The following FAM219A variants were observed in gnomAD, a reference collection of about 807,000 sequenced individuals.
FAM219A encodes the protein protein FAM219A.
A neutral mutation model predicts 23.4 loss-of-function variants in FAM219A; 7 were observed. That is an observed-to-expected ratio of 0.30 (90% CI 0.17 to 0.56). FAM219A has a LOEUF of 0.56. Ranked by LOEUF, FAM219A falls within the 20% of genes least tolerant of loss-of-function variation. The pLI is 0.92. For missense variants in FAM219A, 166 were observed against 246.9 expected (o/e 0.67, Z 2.20); for synonymous variants, 93 against 99.0 (o/e 0.94, Z 0.36).
At chr9:34,418,961 A>G (rs961187914) in intron 1 of FAM219A, among the ~76,000 whole-genome samples, 6 of 151,754 alleles carry the variant, frequency 4.0e-5, no homozygotes, top group African/African-American at 1.5e-4. Flanking sequence ...TGTTACCCCA[A>G]CTACTCAGGA....
At chr9:34,451,583 T>A (rs993724159) in intron 1 of FAM219A, among the ~76,000 whole-genome samples, 2 of 152,070 alleles carry the variant, frequency 1.3e-5, no homozygotes, top group African/African-American at 2.4e-5. Context: ...GGTGAGAGGG[T>A]CCCTGAGACT....
At chr9:34,427,681 T>A (rs1438089950) in intron 1 of FAM219A, among the ~76,000 whole-genome samples, 1 of 152,226 alleles carries the variant, frequency 6.6e-6, no homozygotes, top group Non-Finnish European at 1.5e-5. Flanking sequence ...GATCTTTCTA[T>A]AACAGAGAGG....
intron 1 of FAM219A, among the ~76,000 whole-genome samples, chr9:34,437,165 A>G (rs1162737824): frequency 6.6e-6 from 1 of 152,162 alleles, no homozygotes; most frequent in African/African-American, 2.4e-5. Flanking sequence ...GGAAATTGCA[A>G]GAAGACAAAC....
At chr9:34,416,230 A>AGAAAGAAAGAAG (rs1822008388) in intron 1 of FAM219A, among the ~76,000 whole-genome samples, 2 of 131,420 alleles carry the variant, frequency 1.5e-5, no homozygotes, top group Non-Finnish European at 3.2e-5. Context: ...AAAGAAAGAA[A>AGAAAGAAAGAAG]GAAAGAAAGA....
At chr9:34,447,443 G>A (rs1472966726) in intron 1 of FAM219A, among the ~76,000 whole-genome samples, 1 of 152,222 alleles carries the variant, frequency 6.6e-6, no homozygotes, top group Non-Finnish European at 1.5e-5. Flanking sequence ...TTTCAGGGGT[G>A]AGAAACCTAA....
intron 1 of FAM219A, among the ~76,000 whole-genome samples, chr9:34,418,459 A>G (rs1038342335): frequency 2.0e-5 from 3 of 152,208 alleles, no homozygotes; most frequent in African/African-American, 7.2e-5. Context: ...CCTGTGCATA[A>G]GGGCCTAAGG....
At chr9:34,433,819 G>A (rs1822799275) in intron 1 of FAM219A, among the ~76,000 whole-genome samples, 1 of 152,068 alleles carries the variant, frequency 6.6e-6, no homozygotes, top group African/African-American at 2.4e-5. Flanking sequence ...TATTCAATGG[G>A]GAAAGTAACA....
intron 1 of FAM219A, among the ~76,000 whole-genome samples, chr9:34,423,571 A>G (rs1471100594): frequency 6.6e-6 from 1 of 152,228 alleles, no homozygotes; most frequent in Non-Finnish European, 1.5e-5. Context: ...AGATATGTTC[A>G]GGGTTTTGGA....
At chr9:34,410,961 G>A (rs1192693503) in intron 1 of FAM219A, among the ~76,000 whole-genome samples, 1 of 152,188 alleles carries the variant, frequency 6.6e-6, no homozygotes, top group Non-Finnish European at 1.5e-5. Flanking sequence ...CCTTAGCATA[G>A]TATACCCTTA....
chr9:34,410,590 C>T (rs1183600875), intron 1 of FAM219A, among the ~76,000 whole-genome samples: 6 of 152,096 alleles, frequency 3.9e-5, no homozygotes, highest in Non-Finnish European at 5.9e-5. Flanking sequence ...TCATAAGTAC[C>T]CAGTAGACAT....
intron 1 of FAM219A, among the ~76,000 whole-genome samples, chr9:34,421,656 T>G (rs113272989): frequency 8.5e-5 from 13 of 152,096 alleles, no homozygotes; most frequent in Admixed American, 5.2e-4. Flanking sequence ...CCCACATCTC[T>G]GAGGACACTT....
chr9:34,447,596 G>A (rs184844556), intron 1 of FAM219A, among the ~76,000 whole-genome samples: 2 of 152,264 alleles, frequency 1.3e-5, no homozygotes, highest in African/African-American at 2.4e-5. Context: ...GCCTTTCCTC[G>A]CCAGTGACTT....
Position 34,458,142 on chromosome 9 carries a change from C to A in FAM219A, c.60+62G>T. ...CCGCACGATCCCCCCGGCCTGATTC[C>A]CTCCCTCCCCCTCAAGCGACGCCCC... On this transcript the variant is annotated intron_variant, in intron 1 of 5. Transcript: ENST00000651358. This position sits in a 1 kb window ranked among gnomAD's most constrained non-coding sequence, Gnocchi z 6.6. 1 of 1,463,160 alleles carries A rather than the reference C, an allele frequency of 6.8e-7. No individual in the cohort carries two copies. The highest frequency in any genetic ancestry group is 1.3e-5 in the South Asian group (1 of 79,212). The allele number at this position is 1,463,160 out of a possible 1,614,324, so 90.6% of individuals were successfully genotyped here.
intron 1 of FAM219A, among the ~76,000 whole-genome samples, chr9:34,426,065 G>C (rs1055998651): frequency 3.3e-5 from 5 of 152,210 alleles, no homozygotes. Flanking sequence ...GTGGCTGTCA[G>C]AGGGTTAGTT....
At chr9:34,439,173 G>A (rs565795818) in intron 1 of FAM219A, among the ~76,000 whole-genome samples, 2 of 152,212 alleles carry the variant, frequency 1.3e-5, no homozygotes, top group East Asian at 3.9e-4. Flanking sequence ...CTCCGGACAC[G>A]CCGCCTTTAA....
chr9:34,454,885 A>G (rs1823677480), intron 1 of FAM219A, among the ~76,000 whole-genome samples: 1 of 152,054 alleles, frequency 6.6e-6, no homozygotes, highest in African/African-American at 2.4e-5. Flanking sequence ...TGGGATGGGG[A>G]GAGTTATTTG....
chr9:34,402,569 C>T (rs1821487472), intron 3 of FAM219A, 102 bp from the exon 4 acceptor site: 3 of 1,563,986 alleles, frequency 1.9e-6, no homozygotes, highest in Non-Finnish European at 2.6e-6. Flanking sequence ...CCTCCCTCCC[C>T]ACCTTGGATC....
In FAM219A at chr9:34,458,380, C is replaced by G. The variant is rs10972126; in HGVS notation, c.-117G>C. 6,647 of 651,986 alleles carry G rather than the reference C, an allele frequency of 0.01. 231 individuals carry two copies. In the East Asian group the frequency reaches 0.11, roughly 10 times the overall value. 40.4% of individuals were successfully genotyped at this position (651,986 alleles called of 1,614,324 possible). Reference sequence around the variant, plus strand: ...GTGCAGACTAGGCCTCCCCGGACCACTCGGGCGGGCAGGGGCCGGGCGGAT... The same window carrying G: ...GTGCAGACTAGGCCTCCCCGGACCAGTCGGGCGGGCAGGGGCCGGGCGGAT... On this transcript the variant is annotated 5_prime_UTR_variant, in exon 1 of 6. Transcript: ENST00000651358. This position sits in a 1 kb window ranked among gnomAD's most constrained non-coding sequence, Gnocchi z 6.6.
At chr9:34,439,417 C>A (rs982796887) in intron 1 of FAM219A, among the ~76,000 whole-genome samples, 1 of 152,148 alleles carries the variant, frequency 6.6e-6, no homozygotes, top group Non-Finnish European at 1.5e-5. Flanking sequence ...TGTGAAGGCA[C>A]AGGAGACAAA....
Sources: gnomAD v4.1 joint callset for allele counts (sites outside exome capture counted in the v4.1 genomes callset) on GRCh38, gnomAD v4.1.1 for gene constraint, Gnocchi (gnomAD v3.1) non-coding constraint, MANE v1.5 for transcripts, NCBI Gene and HGNC (gene_info 2026-07-23, HGNC 2026-07-21) for gene names.